PCDHGB2: variants seen among roughly 807,000 people sequenced by gnomAD.
PCDHGB2 encodes the protein protocadherin gamma subfamily B, 2, also known as protocadherin gamma-B2.
PCDHGB2 carries 55 observed loss-of-function variants against 59.3 expected under a neutral mutation model. That is an observed-to-expected ratio of 0.93 (90% CI 0.75 to 1.16). PCDHGB2 has a LOEUF of 1.16. Ranked by LOEUF, PCDHGB2 falls within the 50% of genes most tolerant of loss-of-function variation. PCDHGB2 has a pLI of 0.00. For synonymous variants in PCDHGB2, 516 were observed against 512.0 expected, an observed-to-expected ratio of 1.01 and a Z score of -0.11; for missense variants, 1,228 against 1,198.5, an observed-to-expected ratio of 1.02 and a Z score of -0.36.
At chr5:141,395,194 C>G in intron 1 of PCDHGB2, 1 of 1,613,922 alleles carries the variant, frequency 6.2e-7, no homozygotes, top group Non-Finnish European at 8.5e-7. Flanking sequence ...TTGTTAACAT[C>G]CGTAGATTTT....
rs1036779864 is a variant in PCDHGB2 at position 141,379,823 on chromosome 5, T to C, written c.2421+17267T>C. 3.3e-5 allele frequency among the ~76,000 whole-genome samples: 5 copies of C among 150,450 alleles called. No homozygotes were observed. In the East Asian group the frequency reaches 9.7e-4, roughly 29 times the overall value. On this transcript the variant is annotated intron_variant, in intron 1 of 3. Transcript: ENST00000522605. ...GTTTTGAGAGTTCAGTATAGAATTT[T>C]GAAGCATCAGGAAAAAAAACTACCA... is the stretch of plus-strand genomic sequence containing the variant.
Position 141,422,340 on chromosome 5 carries a change from T to C in PCDHGB2, c.2421+59784T>C, listed in dbSNP as rs776306472. ...CAGGTACAGTGATTGCTCTTCTAAA[T>C]GTGCAAGATCAAGATTCTGGAGAAA... On this transcript the variant is annotated intron_variant, in intron 1 of 3. Transcript: ENST00000522605. 2.6e-6 allele frequency: 4 copies of C among 1,550,190 alleles called. 1 individual carries two copies. Among genetic ancestry groups the C allele is most frequent in the Non-Finnish European group, 3.5e-6 (4 of 1,154,238 alleles).
At chr5:141,419,318 G>A in intron 1 of PCDHGB2, 1 of 1,613,992 alleles carries the variant, frequency 6.2e-7, no homozygotes, top group Non-Finnish European at 8.5e-7. Flanking sequence ...CAACGGCCGT[G>A]TCTCCTACTC....
intron 1 of PCDHGB2, chr5:141,384,186 T>A: frequency 6.2e-7 from 1 of 1,613,730 alleles, no homozygotes; most frequent in Non-Finnish European, 8.5e-7. Flanking sequence ...ATGGTGGAAC[T>A]CCTCCCTTGT....
chr5:141,489,342 A>G lies in PCDHGB2; in HGVS notation c.2422-5465A>G. 3.7e-6 allele frequency: 6 copies of G among 1,609,084 alleles called. No homozygotes were observed. The Middle Eastern group carries it at 6.6e-4, about 178-fold the overall frequency. On this transcript the variant is annotated intron_variant, in intron 1 of 3. Transcript: ENST00000522605. The surrounding 1 kb of genome is among the most constrained non-coding windows in gnomAD (Gnocchi z 4.5). ...GGGTGTCTGGGCAGCTTCGTTACTCAGTGGTGGAGGAGTCTGAGCCGGGGA... is the reference window on the plus strand; with the variant it reads ...GGGTGTCTGGGCAGCTTCGTTACTCGGTGGTGGAGGAGTCTGAGCCGGGGA...
intron 1 of PCDHGB2, among the ~76,000 whole-genome samples, chr5:141,420,626 C>T (rs1192244062): frequency 6.6e-6 from 1 of 152,152 alleles, no homozygotes; most frequent in Non-Finnish European, 1.5e-5. Flanking sequence ...TTCATTTACT[C>T]AATAAAGGAA....
intron 1 of PCDHGB2, among the ~76,000 whole-genome samples, chr5:141,457,215 T>C (rs1356941645): frequency 1.3e-5 from 2 of 152,186 alleles, no homozygotes; most frequent in South Asian, 2.1e-4. Flanking sequence ...AAATGTGGTG[T>C]GGTAGGTAAT....
chr5:141,415,007 G>A (rs369009151), intron 1 of PCDHGB2: 1 of 1,613,654 alleles, frequency 6.2e-7, no homozygotes, highest in South Asian at 1.1e-5. Flanking sequence ...CTGTCCTACC[G>A]TCTGCTCAAG....
Position 141,399,777 on chromosome 5 carries a change from C to T in PCDHGB2, c.2421+37221C>T, listed in dbSNP as rs751610227. On this transcript the variant is annotated intron_variant, in intron 1 of 3. Transcript: ENST00000522605. ...TGAGCCTGCGCGTGTTGGTGGGCGA[C>T]CGAAACGACAACGCACCGCGGGTGC... The T allele has an allele frequency of 3.7e-6, 6 of 1,613,304 alleles. No homozygotes were observed. The Admixed American group carries it at 8.3e-5, about 22-fold the overall frequency.
At chr5:141,414,026 C>A in intron 1 of PCDHGB2, 1 of 1,612,468 alleles carries the variant, frequency 6.2e-7, no homozygotes, top group Non-Finnish European at 8.5e-7. Flanking sequence ...GTGACATATT[C>A]ATTCCGAAAA....
In PCDHGB2 at chr5:141,491,244, T is replaced by G. The variant is rs754328211; in HGVS notation, c.2422-3563T>G. The G allele has an allele frequency of 6.2e-6, 10 of 1,614,092 alleles. No homozygotes were observed. The South Asian group carries it at 1.1e-4, about 18-fold the overall frequency. ...CCACAGTGCTGCTGGTTCTGGAGGA[T>G]GAGGACCCTGAGGAAATGCCCAAAT... On this transcript the variant is annotated intron_variant, in intron 1 of 3. Transcript: ENST00000522605. This position sits in a 1 kb window ranked among gnomAD's most constrained non-coding sequence, Gnocchi z 6.9.
intron 1 of PCDHGB2, chr5:141,383,623 T>C: frequency 6.2e-7 from 1 of 1,613,932 alleles, no homozygotes; most frequent in South Asian, 1.1e-5. Flanking sequence ...CACGCCTGTC[T>C]TCTCTCTGCC....
rs1456451105 is a variant in PCDHGB2 at position 141,477,377 on chromosome 5, C to T, written c.2422-17430C>T. Reference sequence around the variant, plus strand: ...TGCAGACCTGGATCGGGAGACTGTGCCAGAATACAACCTCAGCATCACCGC... The same window carrying T: ...TGCAGACCTGGATCGGGAGACTGTGTCAGAATACAACCTCAGCATCACCGC... On this transcript the variant is annotated intron_variant, in intron 1 of 3. Coordinates refer to ENST00000522605, the MANE Select transcript of PCDHGB2 (RefSeq NM_018923.3). This position sits in a 1 kb window ranked among gnomAD's most constrained non-coding sequence, Gnocchi z 4.9. 1 of 1,614,144 alleles carries T rather than the reference C, an allele frequency of 6.2e-7. No homozygotes were observed. Among genetic ancestry groups the T allele is most frequent in the South Asian group, 1.1e-5 (1 of 91,080 alleles).
rs776737236 is a variant in PCDHGB2, at chr5:141,431,439, G to T, written c.2422-63368G>T. 20 of 1,613,724 alleles carry T rather than the reference G, an allele frequency of 1.2e-5. No individual in the cohort carries two copies. The highest frequency in any genetic ancestry group is 4.5e-5 in the East Asian group (2 of 44,888). Reference sequence around the variant, plus strand: ...GACCCGGTGCGCACAGGCACCGCGCGCATCCGCGTGATGGTTCTGGATGCG... The same window carrying T: ...GACCCGGTGCGCACAGGCACCGCGCTCATCCGCGTGATGGTTCTGGATGCG... On this transcript the variant is annotated intron_variant, in intron 1 of 3. Coordinates refer to ENST00000522605, the MANE Select transcript of PCDHGB2 (RefSeq NM_018923.3). This position sits in a 1 kb window ranked among gnomAD's most constrained non-coding sequence, Gnocchi z 4.8.
At position 141,497,209 on chromosome 5, in the gene PCDHGB2, T is replaced by TG. The variant is rs11343387; in HGVS notation, c.2480+2353dup. On this transcript the variant is annotated intron_variant, in intron 2 of 3. Coordinates refer to ENST00000522605, the MANE Select transcript of PCDHGB2 (RefSeq NM_018923.3). ...GAGGCAGAGAACAATGTGAGTGTAA[T>TG]GGGGGGGGGAAGATCAGAGAAGGCT... Among the ~76,000 whole-genome samples the TG allele has an allele frequency of 1.3e-3, 196 of 151,342 alleles. 1 individual carries two copies. The South Asian group carries it at 0.02, about 15-fold the overall frequency.
Position 141,477,686 on chromosome 5 carries a change from C to T in PCDHGB2, c.2422-17121C>T, listed in dbSNP as rs201090822. Reference sequence around the variant, plus strand: ...CAATGGCATAGTGTCATCCTTAGTGCCCCTAGACTATGAGGATCGGCGGGA... The same window carrying T: ...CAATGGCATAGTGTCATCCTTAGTGTCCCTAGACTATGAGGATCGGCGGGA... On this transcript the variant is annotated intron_variant, in intron 1 of 3. Coordinates refer to ENST00000522605, the MANE Select transcript of PCDHGB2 (RefSeq NM_018923.3). This position sits in a 1 kb window ranked among gnomAD's most constrained non-coding sequence, Gnocchi z 4.9. The T allele has an allele frequency of 4.3e-6, 7 of 1,614,024 alleles. No homozygotes were observed. The highest frequency in any genetic ancestry group is 1.6e-4 in the Middle Eastern group (1 of 6,084).
At chr5:141,375,450 C>T in intron 1 of PCDHGB2, 1 of 1,614,014 alleles carries the variant, frequency 6.2e-7, no homozygotes, top group Non-Finnish European at 8.5e-7. Flanking sequence ...CCCCATTCAT[C>T]CTACTCAGTC....
chr5:141,369,924 C>T (rs1175657292), intron 1 of PCDHGB2, among the ~76,000 whole-genome samples: 1 of 152,092 alleles, frequency 6.6e-6, no homozygotes, highest in East Asian at 1.9e-4. Context: ...AAACTAAAAA[C>T]GTGACGGGAT....
chr5:141,408,077 G>A, intron 1 of PCDHGB2: 2 of 1,408,130 alleles, frequency 1.4e-6, no homozygotes, highest in South Asian at 3.0e-5. Context: ...ACCTTTCCCA[G>A]CACAGCGGAT....
Sources: allele counts gnomAD v4.1 joint callset (sites outside exome capture counted in the v4.1 genomes callset), GRCh38; gene constraint gnomAD v4.1.1; non-coding constraint Gnocchi (gnomAD v3.1); transcripts MANE v1.5; gene names NCBI Gene and HGNC (gene_info 2026-07-23, HGNC 2026-07-21).